The following TNFSF4 variants were observed in gnomAD, a reference collection of about 807,000 sequenced individuals.
The protein encoded by TNFSF4 is TNF superfamily member 4.
In TNFSF4, 4 loss-of-function variants were observed where a neutral mutation model predicts 7.3. That is an observed-to-expected ratio of 0.55 (90% confidence interval 0.27 to 1.25). TNFSF4 has a LOEUF of 1.25. Among genes scored for constraint, TNFSF4 ranks in the 50% most tolerant of loss-of-function variants. The probability of loss-of-function intolerance (pLI) is 0.12; values close to 1 mark genes in which losing one functional copy is unlikely to be tolerated. For missense variants in TNFSF4, 181 were observed against 208.8 expected (o/e 0.87, Z 0.82); for synonymous variants, 76 against 83.7 (o/e 0.91, Z 0.50).
the TNFSF4 span, chr1:173,442,226 A>T: frequency 6.6e-6 from 1 of 152,222 alleles, no homozygotes; most frequent in Non-Finnish European, 1.5e-5. Context: ...TTGGGAGTAA[A>T]TGCACAGTAA....
At chr1:173,360,711 C>G in the TNFSF4 span, among the ~76,000 whole-genome samples, 1 of 152,128 alleles carries the variant, frequency 6.6e-6, no homozygotes, top group Non-Finnish European at 1.5e-5. Context: ...CTGAGGGGCC[C>G]CTTGTGGAAA....
chr1:173,304,983 C>G, the TNFSF4 span, among the ~76,000 whole-genome samples: 4 of 151,900 alleles, frequency 2.6e-5, no homozygotes, highest in Admixed American at 2.6e-4. Context: ...TAGCTGCAAA[C>G]CCAGATTGAT....
chr1:173,239,119 A>G, the TNFSF4 span, among the ~76,000 whole-genome samples: 9 of 152,170 alleles, frequency 5.9e-5, no homozygotes, highest in Non-Finnish European at 1.2e-4. Context: ...TTGGCACTCA[A>G]GAAATGCAAC....
chr1:173,328,786 C>G, the TNFSF4 span, among the ~76,000 whole-genome samples: 12 of 151,766 alleles, frequency 7.9e-5, no homozygotes, highest in African/African-American at 2.9e-4. Context: ...CACCAAAAGC[C>G]CAAACAACTA....
At chr1:173,228,795 G>A in the TNFSF4 span, among the ~76,000 whole-genome samples, 1 of 152,220 alleles carries the variant, frequency 6.6e-6, no homozygotes. Flanking sequence ...GCAAGCTTCA[G>A]TAGCTGATTC....
At chr1:173,188,492 G>A in intron 2 of TNFSF4, 29 bp downstream of exon 2, 1 of 1,541,276 alleles carries the variant, frequency 6.5e-7, no homozygotes, top group Non-Finnish European at 9.0e-7. Context: ...TCAAAAATAT[G>A]AATCAATTAA....
chr1:173,427,915 A>G, the TNFSF4 span, among the ~76,000 whole-genome samples: 8 of 152,014 alleles, frequency 5.3e-5, no homozygotes, highest in Admixed American at 2.6e-4. Context: ...CAATGGCTAC[A>G]TAACTAAGCA....
At chr1:173,240,757 G>A in the TNFSF4 span, among the ~76,000 whole-genome samples, 1 of 152,176 alleles carries the variant, frequency 6.6e-6, no homozygotes, top group Non-Finnish European at 1.5e-5. Flanking sequence ...ATGTCAGGGT[G>A]CACTGCAGAA....
At chr1:173,327,284 T>G in the TNFSF4 span, among the ~76,000 whole-genome samples, 14 of 152,344 alleles carry the variant, frequency 9.2e-5, no homozygotes, top group Admixed American at 3.3e-4. Context: ...CCCTATTTAA[T>G]AAATGGTGCT....
the TNFSF4 span, among the ~76,000 whole-genome samples, chr1:173,294,846 A>G: frequency 6.6e-6 from 1 of 152,012 alleles, no homozygotes; most frequent in African/African-American, 2.4e-5. Context: ...AAATATTTGC[A>G]GTACATATGA....
the TNFSF4 span, among the ~76,000 whole-genome samples, chr1:173,372,106 C>T: frequency 6.6e-6 from 1 of 152,190 alleles, no homozygotes; most frequent in Admixed American, 6.5e-5. Context: ...AAATTGAAGG[C>T]CCAGCTCTGC....
chr1:173,207,220 G>A lies in TNFSF4; in HGVS notation c.-44C>T, dbSNP rs113957847. ...GGGAAGATGAAGATATGGAAAAGGG[G>A]AACGTGCGATAAAACTGAAGTTTTC... is the stretch of plus-strand genomic sequence containing the variant. On this transcript the variant is annotated 5_prime_UTR_variant, in exon 1 of 3. Coordinates refer to ENST00000281834, the MANE Select transcript of TNFSF4 (RefSeq NM_003326.5). The A allele has an allele frequency of 7.1e-5, 111 of 1,561,936 alleles. No individual in the cohort carries two copies. The African/African-American group carries it at 1.3e-3, about 18-fold the overall frequency.
chr1:173,421,259 A>G, the TNFSF4 span, among the ~76,000 whole-genome samples: 1 of 152,214 alleles, frequency 6.6e-6, no homozygotes, highest in Admixed American at 6.5e-5. Context: ...ACATATTTAC[A>G]CTAAAAAATA....
the TNFSF4 span, among the ~76,000 whole-genome samples, chr1:173,257,361 G>C: frequency 3.9e-5 from 6 of 152,308 alleles, no homozygotes; most frequent in African/African-American, 1.4e-4. Flanking sequence ...AATAGGAATG[G>C]ACATTTCAAT....
the TNFSF4 span, among the ~76,000 whole-genome samples, chr1:173,358,475 G>A: frequency 2.0e-5 from 3 of 152,236 alleles, no homozygotes; most frequent in African/African-American, 7.2e-5. Flanking sequence ...GGGAGTATAA[G>A]TTAGTACAAC....
the TNFSF4 span, among the ~76,000 whole-genome samples, chr1:173,314,074 G>T: frequency 6.6e-6 from 1 of 151,624 alleles, no homozygotes; most frequent in Non-Finnish European, 1.5e-5. Flanking sequence ...ATATCCTACT[G>T]TCATCTTTAC....
At chr1:173,431,726 A>G in the TNFSF4 span, among the ~76,000 whole-genome samples, 725 of 152,360 alleles carry the variant, frequency 4.8e-3, 5 homozygotes, top group South Asian at 0.015. Flanking sequence ...CAAGGCATGG[A>G]ATACAATGCA....
At chr1:173,303,584 CTT>C in the TNFSF4 span, among the ~76,000 whole-genome samples, 1 of 151,846 alleles carries the variant, frequency 6.6e-6, no homozygotes, top group Admixed American at 6.6e-5. Flanking sequence ...GATCCTTGAT[CTT>C]TATAAAATGG....
chr1:173,255,990 C>G, the TNFSF4 span, among the ~76,000 whole-genome samples: 2 of 152,142 alleles, frequency 1.3e-5, no homozygotes, highest in African/African-American at 2.4e-5. Context: ...GTAGTTCTTA[C>G]AATTCCTTGA....
Sources: allele counts gnomAD v4.1 joint callset (sites outside exome capture counted in the v4.1 genomes callset), GRCh38; gene constraint gnomAD v4.1.1; transcripts MANE v1.5; gene names NCBI Gene and HGNC (gene_info 2026-07-23, HGNC 2026-07-21).